Variants in PCLAF observed in about 807,000 individuals in gnomAD.
PCLAF encodes the protein PCNA clamp associated factor.
In PCLAF, 12 loss-of-function variants were observed where a neutral mutation model predicts 15.1. The observed-to-expected ratio is 0.79, with a 90% confidence interval of 0.51 to 1.29. The LOEUF (loss-of-function observed/expected upper bound fraction) is 1.29. Among genes scored for constraint, PCLAF ranks in the 50% most tolerant of loss-of-function variants. PCLAF has a pLI of 0.00. For synonymous variants in PCLAF, 33 were observed against 47.1 expected (o/e 0.70, Z 1.22); for missense variants, 116 against 130.9 (o/e 0.89, Z 0.56).
At chr15:64,378,987 A>G (rs1899727205) in intron 2 of PCLAF, among the ~76,000 whole-genome samples, 1 of 152,144 alleles carries the variant, frequency 6.6e-6, no homozygotes, top group Non-Finnish European at 1.5e-5. Flanking sequence ...TTATCAAGTT[A>G]TATAACCAGA....
intron 2 of PCLAF, among the ~76,000 whole-genome samples, chr15:64,378,853 G>C (rs1340122112): frequency 6.6e-6 from 1 of 151,864 alleles, no homozygotes; most frequent in Non-Finnish European, 1.5e-5. Context: ...GGAGGTTGCA[G>C]TGAGCCGAGT....
At chr15:64,378,076 G>A (rs1411572281) in intron 2 of PCLAF, among the ~76,000 whole-genome samples, 2 of 151,810 alleles carry the variant, frequency 1.3e-5, no homozygotes, top group Non-Finnish European at 2.9e-5. Context: ...GACTACAGGC[G>A]CCCGCCACCA....
At chr15:64,373,311 T>C (rs1376496472) in intron 3 of PCLAF, 1 of 167,680 alleles carries the variant, frequency 6.0e-6, no homozygotes, top group Non-Finnish European at 1.3e-5. Flanking sequence ...TCTAGTCAAA[T>C]CCTTCAGATG....
At chr15:64,374,526 G>A (rs1201544985) in intron 3 of PCLAF, among the ~76,000 whole-genome samples, 1 of 148,614 alleles carries the variant, frequency 6.7e-6, no homozygotes, top group Non-Finnish European at 1.5e-5. Context: ...GCAACAGAGC[G>A]AAACTCCGTC....
chr15:64,373,409 T>C (rs1413991230), intron 3 of PCLAF: 1 of 322,378 alleles, frequency 3.1e-6, no homozygotes, highest in Non-Finnish European at 5.5e-6. Context: ...ACCTGGTTTT[T>C]TTCCTTGCCA....
chr15:64,378,651 G>A (rs760997977), intron 2 of PCLAF, among the ~76,000 whole-genome samples: 13 of 152,102 alleles, frequency 8.5e-5, no homozygotes, highest in South Asian at 2.1e-4. Flanking sequence ...AGTGGCTCAC[G>A]CCTGTAATCC....
chr15:64,373,895 AGCCTG>A (rs1218112634), intron 3 of PCLAF: 2 of 752,530 alleles, frequency 2.7e-6, no homozygotes, highest in Non-Finnish European at 3.8e-6. Context: ...TTGCTTAGAA[AGCCTG>A]GACCTTATTA....
At chr15:64,377,424 G>A (rs540257961) in intron 2 of PCLAF, among the ~76,000 whole-genome samples, 22 of 129,944 alleles carry the variant, frequency 1.7e-4, no homozygotes, top group African/African-American at 4.6e-4. Flanking sequence ...CCAAGATTGC[G>A]CCGCCACTGC....
upstream of PCLAF, among the ~76,000 whole-genome samples, chr15:64,384,290 C>T (rs1232346855): frequency 6.6e-6 from 1 of 152,098 alleles, no homozygotes; most frequent in African/African-American, 2.4e-5. Context: ...TGTGCCACCA[C>T]ATCCAGCTAA....
chr15:64,384,837 T>C (rs561127766), upstream of PCLAF, among the ~76,000 whole-genome samples: 15 of 152,158 alleles, frequency 9.9e-5, no homozygotes, highest in Non-Finnish European at 1.6e-4. Context: ...ATTTAACAAA[T>C]GACAGTAATA....
intron 2 of PCLAF, among the ~76,000 whole-genome samples, chr15:64,380,559 C>G (rs1385515575): frequency 1.3e-5 from 2 of 151,808 alleles, no homozygotes; most frequent in Non-Finnish European, 2.9e-5. Flanking sequence ...GAAAAAAAAG[C>G]CCGGCGTGGT....
intron 3 of PCLAF, among the ~76,000 whole-genome samples, chr15:64,371,655 G>A (rs1009346329): frequency 6.6e-6 from 1 of 152,112 alleles, no homozygotes; most frequent in Non-Finnish European, 1.5e-5. Context: ...CCAGGCAGGA[G>A]TGCAGTGGCG....
chr15:64,384,955 A>G (rs557543310), upstream of PCLAF, among the ~76,000 whole-genome samples: 12 of 152,200 alleles, frequency 7.9e-5, no homozygotes, highest in East Asian at 2.3e-3. Context: ...GCTAGAGTGC[A>G]GTGGTGTGAT....
At position 64,364,966 on chromosome 15, in the gene PCLAF, G is replaced by A. The variant is rs1898970247; in HGVS notation, c.*1064C>T. The A allele has an allele frequency of 1.3e-5, 2 of 150,748 alleles. No homozygotes were observed. Among genetic ancestry groups the A allele is most frequent in the South Asian group, 4.2e-4 (2 of 4,770 alleles). 9.3% of individuals were successfully genotyped at this position (150,748 alleles called of 1,614,324 possible). ...CCCAAAGTGCTGGGATTACAGGTGTGAGCCACTGCACTCAGCCTTTTTTAA... is the reference window on the plus strand; with the variant it reads ...CCCAAAGTGCTGGGATTACAGGTGTAAGCCACTGCACTCAGCCTTTTTTAA... On this transcript the variant is annotated 3_prime_UTR_variant, in exon 4 of 4. Coordinates refer to ENST00000300035, the MANE Select transcript of PCLAF (RefSeq NM_014736.6).
chr15:64,373,857 T>C lies in PCLAF; in HGVS notation c.290+2886A>G. The C allele has an allele frequency of 7.8e-6, 10 of 1,274,522 alleles. 1 individual carries two copies. In the South Asian group the frequency reaches 1.5e-4, roughly 19 times the overall value. The allele number at this position is 1,274,522 out of a possible 1,614,324, so 79.0% of individuals were successfully genotyped here. ...CCCTTTCCTCCTACATCCAGACAAGTACTTTGTTTCGAAACAAAACATTTA... is the reference window on the plus strand; with the variant it reads ...CCCTTTCCTCCTACATCCAGACAAGCACTTTGTTTCGAAACAAAACATTTA... On this transcript the variant is annotated intron_variant, in intron 3 of 3. Transcript: ENST00000300035.
At chr15:64,375,714 A>C (rs1899581468) in intron 3 of PCLAF, among the ~76,000 whole-genome samples, 1 of 152,134 alleles carries the variant, frequency 6.6e-6, no homozygotes, top group African/African-American at 2.4e-5. Context: ...TTCTTGTGCA[A>C]GTTGAACTGG....
chr15:64,386,502 G>A (rs72758943), intron 1 of PCLAF, among the ~76,000 whole-genome samples: 7,329 of 151,902 alleles, frequency 0.048, 237 homozygotes, highest in South Asian at 0.086. Flanking sequence ...TTTCATTTTT[G>A]TAGAGATGAG....
At position 64,365,626 on chromosome 15, in the gene PCLAF, A is replaced by G. The variant is rs552212045; in HGVS notation, c.*404T>C. Reference sequence around the variant, plus strand: ...GAATTTTTTAATGTGCAAAAATCTAACTCTGCTTTTTAAAGCAAGTAGAAG... The same window carrying G: ...GAATTTTTTAATGTGCAAAAATCTAGCTCTGCTTTTTAAAGCAAGTAGAAG... On this transcript the variant is annotated 3_prime_UTR_variant, in exon 4 of 4. Coordinates refer to ENST00000300035, the MANE Select transcript of PCLAF (RefSeq NM_014736.6). 1 of 171,116 alleles carries G rather than the reference A, an allele frequency of 5.8e-6. No individual in the cohort carries two copies. The highest frequency in any genetic ancestry group is 1.8e-4 in the East Asian group (1 of 5,526). The allele number at this position is 171,116 out of a possible 1,614,324, so 10.6% of individuals were successfully genotyped here.
chr15:64,378,055 C>G (rs554353154), intron 2 of PCLAF, among the ~76,000 whole-genome samples: 1 of 151,936 alleles, frequency 6.6e-6, no homozygotes, highest in African/African-American at 2.4e-5. Flanking sequence ...CTCAGCCTCC[C>G]GAGCAGTTGG....
Sources: gnomAD v4.1 joint callset for allele counts (sites outside exome capture counted in the v4.1 genomes callset) on GRCh38, gnomAD v4.1.1 for gene constraint, MANE v1.5 for transcripts, NCBI Gene and HGNC (gene_info 2026-07-23, HGNC 2026-07-21) for gene names.